Variants in NDUFAF6 observed in about 807,000 individuals in gnomAD.
NDUFAF6 encodes the protein NADH:ubiquinone oxidoreductase complex assembly factor 6.
Under a neutral mutation model 40.8 loss-of-function variants are expected in NDUFAF6, and 45 were observed. The observed-to-expected ratio is 1.10, with a 90% CI of 0.87 to 1.42. NDUFAF6 has a LOEUF of 1.42. NDUFAF6 is among the 40% of genes most tolerant of loss of function. The pLI, the probability that NDUFAF6 is intolerant of heterozygous loss-of-function variation, is 0.00. For synonymous variants in NDUFAF6, 185 were observed against 155.9 expected (o/e 1.19, Z -1.39); for missense variants, 435 against 418.5 (o/e 1.04, Z -0.34).
At chr8:95,053,925 C>CCAA (rs1303676012) in intron 8 of NDUFAF6, among the ~76,000 whole-genome samples, 1 of 37,016 alleles carries the variant, frequency 2.7e-5, no homozygotes, top group Non-Finnish European at 5.0e-5. Context: ...CCGTGCCCGG[C>CCAA]TTTTTTTTTT....
upstream of NDUFAF6, among the ~76,000 whole-genome samples, chr8:94,956,068 A>G (rs1312792892): frequency 6.6e-6 from 1 of 152,232 alleles, no homozygotes; most frequent in East Asian, 1.9e-4. Context: ...ATCAGACCTT[A>G]GTGCAAGCTG....
At chr8:95,109,583 T>C (rs62524768) in intron 4 of NDUFAF6, among the ~76,000 whole-genome samples, 7,040 of 49,320 alleles carry the variant, frequency 0.14, 177 homozygotes, top group East Asian at 0.45. Context: ...GTTAGATAGA[T>C]AGATAGAGAG....
rs140375212 is a variant in NDUFAF6, at chr8:95,043,194, C to T, written c.477+1568C>T. 6.3e-4 allele frequency among the ~76,000 whole-genome samples: 96 copies of T among 151,832 alleles called. 2 individuals are homozygous for T. The highest frequency in any genetic ancestry group is 6.1e-3 in the Admixed American group (93 of 15,272). ...CCGCCTCCTGGGTTCAAGCAGTTCC[C>T]CTGCCTCAGCCTCCTGAGTAGCTGA... On this transcript the variant is annotated intron_variant, in intron 4 of 8. Coordinates refer to ENST00000396124, the MANE Select transcript of NDUFAF6 (RefSeq NM_152416.4).
At chr8:95,108,174 A>C (rs575593484), downstream of NDUFAF6, among the ~76,000 whole-genome samples, 1 of 152,202 alleles carries the variant, frequency 6.6e-6, no homozygotes, top group African/African-American at 2.4e-5. Flanking sequence ...CAAAAAATTA[A>C]ATATAGAATT....
rs551280883 is a variant in NDUFAF6, at chr8:95,082,814, T to C, written n.213+7062T>C. Among the ~76,000 whole-genome samples the C allele has an allele frequency of 2.4e-3, 367 of 152,204 alleles. 2 individuals carry two copies. Among genetic ancestry groups the C allele is most frequent in the Middle Eastern group, 6.8e-3 (2 of 294 alleles). On this transcript the variant is annotated intron_variant and non_coding_transcript_variant, in intron 2 of 5. Coordinates refer to the NDUFAF6 transcript ENST00000523184. ...AGCTGGGACTACAGGCGCCCGCCAC[T>C]ACGCCCGGCTAATTTTTTGTATTTT... is the stretch of plus-strand genomic sequence containing the variant.
intron 1 of NDUFAF6, among the ~76,000 whole-genome samples, chr8:94,918,695 T>C (rs1046101737): frequency 6.6e-6 from 1 of 152,188 alleles, no homozygotes; most frequent in Non-Finnish European, 1.5e-5. Context: ...ACTGGAAATC[T>C]CCCATCCTTT....
chr8:95,053,603 C>T (rs2131959804), intron 8 of NDUFAF6, among the ~76,000 whole-genome samples: 1 of 152,076 alleles, frequency 6.6e-6, no homozygotes, highest in South Asian at 2.1e-4. Context: ...TTAAAAGCTT[C>T]CCGTTTTACT....
At chr8:94,949,393 T>TCCGCTCGCCGTCGGGCC (rs1275328287) in intron 2 of NDUFAF6, 2 of 150,578 alleles carry the variant, frequency 1.3e-5, no homozygotes, top group African/African-American at 2.4e-5. Flanking sequence ...GATCGGCCGC[T>TCCGCTCGCCGTCGGGCC]CCGCTCGCCG....
chr8:95,029,631 C>T (rs1828598359), intron 1 of NDUFAF6, among the ~76,000 whole-genome samples: 1 of 152,234 alleles, frequency 6.6e-6, no homozygotes, highest in South Asian at 2.1e-4. Flanking sequence ...TCTCTCTAGT[C>T]TTCTCCAATC....
intron 8 of NDUFAF6, among the ~76,000 whole-genome samples, chr8:95,052,993 T>C (rs1201848690): frequency 6.6e-6 from 1 of 152,194 alleles, no homozygotes; most frequent in Non-Finnish European, 1.5e-5. Context: ...CTTCATTTTA[T>C]AGATAGAAAC....
chr8:95,040,323 G>C (rs1013152631), intron 3 of NDUFAF6, among the ~76,000 whole-genome samples: 1 of 152,148 alleles, frequency 6.6e-6, no homozygotes, highest in African/African-American at 2.4e-5. Context: ...TCGTCTACCT[G>C]TCCTTTATGG....
At chr8:95,115,967 G>A (rs1339180693) in intron 5 of NDUFAF6, among the ~76,000 whole-genome samples, 1 of 152,044 alleles carries the variant, frequency 6.6e-6, no homozygotes, top group Admixed American at 6.6e-5. Context: ...GTGAAAACCC[G>A]TCTCTACCAA....
chr8:94,967,132 G>A (rs1824072640), intron 1 of NDUFAF6, among the ~76,000 whole-genome samples: 1 of 152,240 alleles, frequency 6.6e-6, no homozygotes, highest in African/African-American at 2.4e-5. Context: ...GCCATGAAAA[G>A]TGTAATCATT....
chr8:94,912,928 C>G (rs1296575700), intron 1 of NDUFAF6, among the ~76,000 whole-genome samples: 1 of 152,062 alleles, frequency 6.6e-6, no homozygotes, highest in African/African-American at 2.4e-5. Flanking sequence ...GCAGTGAGCC[C>G]AGATCACGCC....
intron 2 of NDUFAF6, among the ~76,000 whole-genome samples, chr8:95,005,884 C>T (rs1826955814): frequency 6.6e-6 from 1 of 152,068 alleles, no homozygotes; most frequent in South Asian, 2.1e-4. Flanking sequence ...ACTATGCATG[C>T]TTCCCCAGGA....
intron 2 of NDUFAF6, among the ~76,000 whole-genome samples, chr8:94,987,913 G>T (rs756221233): frequency 3.9e-5 from 6 of 152,070 alleles, no homozygotes; most frequent in African/African-American, 7.3e-5. Context: ...CCTTACTATA[G>T]TAGCCTCCCC....
chr8:95,022,455 G>A (rs916265327), upstream of NDUFAF6, among the ~76,000 whole-genome samples: 1 of 151,662 alleles, frequency 6.6e-6, no homozygotes. Flanking sequence ...GTATATGCAT[G>A]AGTTTATTCT....
At chr8:94,977,233 C>A (rs1401014898) in intron 1 of NDUFAF6, among the ~76,000 whole-genome samples, 1 of 151,782 alleles carries the variant, frequency 6.6e-6, no homozygotes, top group African/African-American at 2.4e-5. Flanking sequence ...TGATATGGGC[C>A]GGGTGCAGTG....
downstream of NDUFAF6, among the ~76,000 whole-genome samples, chr8:95,061,378 G>C (rs1832567864): frequency 6.6e-6 from 1 of 152,110 alleles, no homozygotes; most frequent in Non-Finnish European, 1.5e-5. Context: ...TGTCTAGAAA[G>C]ATCCTTACAG....
Sources: allele counts gnomAD v4.1 joint callset (sites outside exome capture counted in the v4.1 genomes callset), GRCh38; gene constraint gnomAD v4.1.1; transcripts MANE v1.5; gene names NCBI Gene and HGNC (gene_info 2026-07-23, HGNC 2026-07-21).